SHISA9: variants seen among roughly 807,000 people sequenced by gnomAD.
The protein encoded by SHISA9 is protein shisa-9.
A neutral mutation model predicts 38.0 loss-of-function variants in SHISA9; 13 were observed. The ratio of observed to expected loss-of-function variants is 0.34; its 90% CI spans 0.22 to 0.54. The LOEUF (loss-of-function observed/expected upper bound fraction) is 0.54, where lower values mean the gene tolerates loss of function less well. SHISA9 is among the 20% of genes least tolerant of loss of function. The pLI, the probability that SHISA9 is intolerant of heterozygous loss-of-function variation, is 0.91. For synonymous variants in SHISA9, 275 were observed against 242.0 expected (o/e 1.14, Z -1.27); for missense variants, 538 against 575.8 (o/e 0.93, Z 0.67).
At chr16:13,095,784 G>A (rs935513840) in intron 2 of SHISA9, among the ~76,000 whole-genome samples, 6 of 152,220 alleles carry the variant, frequency 3.9e-5, no homozygotes, top group African/African-American at 1.4e-4. Flanking sequence ...ATAGTGAATG[G>A]GTTTATACAG....
chr16:13,476,940 G>A, the SHISA9 span, among the ~76,000 whole-genome samples: 1 of 151,690 alleles, frequency 6.6e-6, no homozygotes. Context: ...TAGTAGAGAC[G>A]GGGTTTCACT....
chr16:13,230,285 C>T (rs1294439556), intron 4 of SHISA9, among the ~76,000 whole-genome samples: 1 of 152,130 alleles, frequency 6.6e-6, no homozygotes, highest in Admixed American at 6.5e-5. Flanking sequence ...AATGAACAAA[C>T]AGCTCAAAGA....
chr16:12,913,116 A>G (rs2071208291), intron 1 of SHISA9, among the ~76,000 whole-genome samples: 1 of 152,222 alleles, frequency 6.6e-6, no homozygotes, highest in Admixed American at 6.5e-5. Flanking sequence ...TGTACTTTAA[A>G]AAAGTATAGT....
rs953231870 is a variant in SHISA9 at position 13,240,133 on chromosome 16, C to T, written c.*4724C>T. ...CTTTGCCCTTTCACAGTGTCTCAGC[C>T]TCCATCTGCCTTGGGCTCCGCCTGG... On this transcript the variant is annotated 3_prime_UTR_variant, in exon 5 of 5. Coordinates refer to ENST00000558583, the MANE Select transcript of SHISA9 (RefSeq NM_001145204.3). The T allele has an allele frequency of 6.6e-6, 1 of 152,246 alleles. No homozygotes were observed. Among genetic ancestry groups the T allele is most frequent in the Admixed American group, 6.5e-5 (1 of 15,284 alleles). The allele number at this position is 152,246 out of a possible 1,614,324, so 9.4% of individuals were successfully genotyped here.
chr16:13,150,154 C>T (rs74012290), intron 2 of SHISA9, among the ~76,000 whole-genome samples: 131 of 151,912 alleles, frequency 8.6e-4, no homozygotes, highest in African/African-American at 3.1e-3. Flanking sequence ...TTGAATGCAG[C>T]CTGTTCCTCT....
intron 2 of SHISA9, among the ~76,000 whole-genome samples, chr16:12,952,101 C>T (rs1460966794): frequency 2.0e-5 from 3 of 152,102 alleles, no homozygotes; most frequent in Non-Finnish European, 2.9e-5. Flanking sequence ...CTAATGCAGA[C>T]GTAAACATGG....
chr16:13,104,304 G>A (rs1204216797), intron 2 of SHISA9, among the ~76,000 whole-genome samples: 4 of 152,132 alleles, frequency 2.6e-5, no homozygotes, highest in Admixed American at 1.3e-4. Context: ...TTCTTAAAAT[G>A]TTAAATATAA....
At chr16:13,498,331 A>T in the SHISA9 span, among the ~76,000 whole-genome samples, 3 of 152,234 alleles carry the variant, frequency 2.0e-5, no homozygotes, top group Non-Finnish European at 4.4e-5. Context: ...TAGTGTAAAG[A>T]CAGTGACATG....
chr16:12,930,268 G>A (rs1055090100), intron 2 of SHISA9, among the ~76,000 whole-genome samples: 7 of 152,188 alleles, frequency 4.6e-5, no homozygotes, highest in African/African-American at 1.7e-4. Flanking sequence ...AGTAAATGCT[G>A]CTATTACTTT....
the SHISA9 span, among the ~76,000 whole-genome samples, chr16:13,375,010 G>T: frequency 6.6e-6 from 1 of 152,114 alleles, no homozygotes; most frequent in East Asian, 1.9e-4. Flanking sequence ...TTTTGATGGG[G>T]TGGGGTTGTT....
chr16:12,904,983 G>T lies in SHISA9; in HGVS notation c.563+2356G>T, dbSNP rs371571565. Among the ~76,000 whole-genome samples the T allele has an allele frequency of 3.3e-5, 5 of 152,138 alleles. No homozygotes were observed. The South Asian group carries it at 6.2e-4, about 19-fold the overall frequency. On this transcript the variant is annotated intron_variant, in intron 1 of 4. Coordinates refer to ENST00000558583, the MANE Select transcript of SHISA9 (RefSeq NM_001145204.3). Reference sequence around the variant, plus strand: ...TCCTCCCACCTCAGCCTCCCAAAGTGCTAGGACTACAGGCATGAGCCACTG... The same window carrying T: ...TCCTCCCACCTCAGCCTCCCAAAGTTCTAGGACTACAGGCATGAGCCACTG...
the SHISA9 span, among the ~76,000 whole-genome samples, chr16:13,333,980 A>G: frequency 6.6e-6 from 1 of 152,224 alleles, no homozygotes; most frequent in African/African-American, 2.4e-5. Flanking sequence ...AAAAGGATCA[A>G]CATTTTAATT....
chr16:13,328,591 TACACACACACACACAC>T, the SHISA9 span, among the ~76,000 whole-genome samples: 284 of 139,968 alleles, frequency 2.0e-3, no homozygotes, highest in Admixed American at 2.7e-3. Flanking sequence ...TATATGTGTA[TACACACACACACACAC>T]ACACACACAC....
At chr16:13,488,754 T>A in the SHISA9 span, among the ~76,000 whole-genome samples, 2 of 152,184 alleles carry the variant, frequency 1.3e-5, no homozygotes, top group East Asian at 1.9e-4. Flanking sequence ...TATTTATTTA[T>A]TTTTAATTTT....
chr16:13,171,799 T>C (rs2050688895), intron 2 of SHISA9, among the ~76,000 whole-genome samples: 1 of 152,156 alleles, frequency 6.6e-6, no homozygotes, highest in Non-Finnish European at 1.5e-5. Flanking sequence ...GTAGGTGACA[T>C]GATCATGTTT....
the SHISA9 span, among the ~76,000 whole-genome samples, chr16:13,260,228 G>T: frequency 6.6e-6 from 1 of 151,642 alleles, no homozygotes; most frequent in African/African-American, 2.4e-5. Flanking sequence ...GTGTTGGCCA[G>T]GATGGTCTTG....
chr16:13,434,419 G>GTTTTTTTTTTTTTTTTTTTTTTTTTTT, the SHISA9 span, among the ~76,000 whole-genome samples: 23 of 64,554 alleles, frequency 3.6e-4, 4 homozygotes, highest in South Asian at 1.0e-3. Context: ...GACAAGCTAT[G>GTTTTTTTTTTTTTTTTTTTTTTTTTTT]TTTTTTTTTT....
intron 2 of SHISA9, among the ~76,000 whole-genome samples, chr16:12,987,919 G>T (rs562453657): frequency 6.6e-6 from 1 of 152,278 alleles, no homozygotes; most frequent in South Asian, 2.1e-4. Context: ...GGTTACAATA[G>T]CTAGTATGTA....
intron 2 of SHISA9, among the ~76,000 whole-genome samples, chr16:13,096,444 TGTG>T (rs986518875): frequency 1.3e-5 from 2 of 152,166 alleles, no homozygotes; most frequent in African/African-American, 4.8e-5. Context: ...TGTAGGCTCT[TGTG>T]GGGCACAGAG....
Sources: gnomAD v4.1 joint callset for allele counts (sites outside exome capture counted in the v4.1 genomes callset) on GRCh38, gnomAD v4.1.1 for gene constraint, MANE v1.5 for transcripts, NCBI Gene and HGNC (gene_info 2026-07-23, HGNC 2026-07-21) for gene names.